ZNF782: variants seen among roughly 807,000 people sequenced by gnomAD.
ZNF782 encodes zinc finger protein 782.
In ZNF782, 12 loss-of-function variants were observed where a neutral mutation model predicts 13.0. The observed-to-expected ratio is 0.92, with a 90% CI of 0.59 to 1.50. The LOEUF is 1.50. ZNF782 is among the 40% of genes most tolerant of loss of function. The pLI is 0.00. For missense variants in ZNF782, 770 were observed against 822.9 expected (o/e 0.94, Z 0.79); for synonymous variants, 284 against 283.0 (o/e 1.00, Z -0.04).
In ZNF782 at chr9:96,852,024, G is replaced by T; in HGVS notation, c.-44-19C>A. The T allele has an allele frequency of 6.5e-7, 1 of 1,541,030 alleles. No individual in the cohort carries two copies. The highest frequency in any genetic ancestry group is 9.0e-7 in the Non-Finnish European group (1 of 1,114,040). On this transcript the variant is annotated intron_variant, in intron 2 of 5. Transcript: ENST00000481138. ...GCCTCAGCTGGGGGGACAGAAAGAG[G>T]ATGTCACACGGTCTCGCCTACCTCA...
chr9:96,828,431 TAA>T (rs1850697407), intron 4 of ZNF782, among the ~76,000 whole-genome samples: 1 of 152,142 alleles, frequency 6.6e-6, no homozygotes, highest in Non-Finnish European at 1.5e-5. Context: ...ACTCACAATG[TAA>T]AATTCACAAT....
At chr9:96,916,181 T>C in the ZNF782 span, among the ~76,000 whole-genome samples, 1 of 151,966 alleles carries the variant, frequency 6.6e-6, no homozygotes, top group Non-Finnish European at 1.5e-5. Flanking sequence ...ACAGCTGGTT[T>C]TGATGTCTTG....
chr9:96,837,563 T>C (rs909695413), intron 4 of ZNF782, among the ~76,000 whole-genome samples: 2 of 152,212 alleles, frequency 1.3e-5, no homozygotes, highest in Non-Finnish European at 2.9e-5. Context: ...TGTTTCCTTT[T>C]GCTAGGTTTA....
At chr9:96,918,408 C>CAA in the ZNF782 span, among the ~76,000 whole-genome samples, 1 of 66,124 alleles carries the variant, frequency 1.5e-5, no homozygotes. Flanking sequence ...GGCTCCATCT[C>CAA]AAAAAAAAAA....
chr9:96,899,052 TTC>T, the ZNF782 span, among the ~76,000 whole-genome samples: 1 of 149,150 alleles, frequency 6.7e-6, no homozygotes, highest in Non-Finnish European at 1.5e-5. Context: ...CCATTCTACT[TTC>T]TGTCTGCCCG....
Position 96,822,710 on chromosome 9 carries a change from T to C in ZNF782, c.245-2932A>G, listed in dbSNP as rs139598485. ...TTTAAAAACAAGTACATAAGACTAA[T>C]ATAAGACTAAAAGTTTTTCTAAGCA... is the stretch of plus-strand genomic sequence containing the variant. On this transcript the variant is annotated intron_variant, in intron 5 of 5. Transcript: ENST00000481138. 1.8e-4 allele frequency among the ~76,000 whole-genome samples: 28 copies of C among 152,286 alleles called. No individual in the cohort carries two copies. In the East Asian group the frequency reaches 4.1e-3, roughly 22 times the overall value.
At position 96,818,284 on chromosome 9, in the gene ZNF782, T is replaced by C. The variant is rs757178034; in HGVS notation, c.1739A>G (p.His580Arg). 1.2e-6 allele frequency: 2 copies of C among 1,614,182 alleles called. No homozygotes were observed. Among genetic ancestry groups the C allele is most frequent in the Non-Finnish European group, 8.5e-7 (1 of 1,180,028 alleles). The change falls in exon 6 of 6, where the codon CAT becomes CGT. Residue 580 changes from histidine (H) to arginine (R), a missense_variant. His to Arg is a conservative substitution (Grantham distance 29). Coordinates refer to ENST00000481138, the MANE Select transcript of ZNF782 (RefSeq NM_001001662.3). ...TTTCTCCCCAGTATGAGTTCTGTGATGTACTCTGAGGTTTGATTTCTGACT... is the reference window on the plus strand; with the variant it reads ...TTTCTCCCCAGTATGAGTTCTGTGACGTACTCTGAGGTTTGATTTCTGACT... The part of the protein sequence containing the change: ...AFSQKSNLRV[H>R]HRTHTGEKPY...
At chr9:96,881,988 A>AGTGTGTGTGTGTGT in the ZNF782 span, among the ~76,000 whole-genome samples, 1 of 148,294 alleles carries the variant, frequency 6.7e-6, no homozygotes, top group African/African-American at 2.5e-5. Flanking sequence ...TGGAAGTATG[A>AGTGTGTGTGTGTGT]GTGTGTGTGT....
the ZNF782 span, among the ~76,000 whole-genome samples, chr9:96,916,694 G>C: frequency 6.6e-6 from 1 of 151,852 alleles, no homozygotes; most frequent in Non-Finnish European, 1.5e-5. Context: ...TCCCCAGCCC[G>C]AGGCCTTTGC....
chr9:96,908,207 T>C, the ZNF782 span, among the ~76,000 whole-genome samples: 1 of 151,772 alleles, frequency 6.6e-6, no homozygotes, highest in African/African-American at 2.4e-5. Flanking sequence ...TATTGCTGCG[T>C]TGCCCATGCT....
At chr9:96,889,085 C>T in the ZNF782 span, 1 of 152,230 alleles carries the variant, frequency 6.6e-6, no homozygotes, top group Non-Finnish European at 1.5e-5. Flanking sequence ...CCTGGTCAGT[C>T]TGTTTGACGC....
At chr9:96,874,030 G>A (rs1440235629) in intron 1 of ZNF782, among the ~76,000 whole-genome samples, 1 of 152,084 alleles carries the variant, frequency 6.6e-6, no homozygotes, top group Non-Finnish European at 1.5e-5. Flanking sequence ...TTCCACTTTT[G>A]TAATACAGAC....
the ZNF782 span, among the ~76,000 whole-genome samples, chr9:96,882,752 G>A: frequency 1.3e-5 from 2 of 152,116 alleles, no homozygotes; most frequent in African/African-American, 4.8e-5. Context: ...ACGTCTTATT[G>A]TAAAATGTCA....
intron 5 of ZNF782, among the ~76,000 whole-genome samples, chr9:96,825,753 C>A (rs1352185332): frequency 6.6e-6 from 1 of 152,162 alleles, no homozygotes; most frequent in Admixed American, 6.5e-5. Flanking sequence ...TGAACAGACA[C>A]TTCTCAAAAG....
chr9:96,821,237 T>C (rs1850406947), intron 5 of ZNF782, among the ~76,000 whole-genome samples: 1 of 152,228 alleles, frequency 6.6e-6, no homozygotes, highest in South Asian at 2.1e-4. Context: ...CATTACATGT[T>C]GTAGCTCTCA....
intron 4 of ZNF782, among the ~76,000 whole-genome samples, chr9:96,842,167 C>T (rs1226707714): frequency 6.6e-6 from 1 of 151,780 alleles, no homozygotes; most frequent in Non-Finnish European, 1.5e-5. Context: ...CTGAAAATCA[C>T]AAAACACTGA....
the ZNF782 span, among the ~76,000 whole-genome samples, chr9:96,924,818 A>C: frequency 1.6e-3 from 240 of 152,328 alleles, 1 homozygote; most frequent in Non-Finnish European, 4.3e-4. Flanking sequence ...TGGGGTTCCC[A>C]CTGCATTGTT....
At chr9:96,832,895 C>A (rs1339802011) in intron 4 of ZNF782, among the ~76,000 whole-genome samples, 1 of 151,804 alleles carries the variant, frequency 6.6e-6, no homozygotes, top group East Asian at 1.9e-4. Flanking sequence ...GCCATTATTT[C>A]TTTGAATTTT....
intron 4 of ZNF782, among the ~76,000 whole-genome samples, chr9:96,839,836 G>T (rs964749071): frequency 1.3e-5 from 2 of 152,016 alleles, no homozygotes; most frequent in Admixed American, 1.3e-4. Flanking sequence ...CTCCTTATTT[G>T]TATACAGGCT....
Sources: allele counts gnomAD v4.1 joint callset (sites outside exome capture counted in the v4.1 genomes callset), GRCh38; gene constraint gnomAD v4.1.1; transcripts MANE v1.5; gene names NCBI Gene and HGNC (gene_info 2026-07-23, HGNC 2026-07-21).